Variants in ANO10 observed in about 807,000 individuals in gnomAD.
The protein encoded by ANO10 is anoctamin 10.
In ANO10, 77 loss-of-function variants were observed where a neutral mutation model predicts 74.7. That is an observed-to-expected ratio of 1.03 (90% CI 0.86 to 1.25). The LOEUF (loss-of-function observed/expected upper bound fraction) is 1.25. Ranked by LOEUF, ANO10 falls within the 50% of genes most tolerant of loss-of-function variation. The pLI, the probability that ANO10 is intolerant of heterozygous loss-of-function variation, is 0.00. For synonymous variants in ANO10, 279 were observed against 284.9 expected, an observed-to-expected ratio of 0.98 and a Z score of 0.21; for missense variants, 721 against 778.1, an observed-to-expected ratio of 0.93 and a Z score of 0.87.
rs1416318777 is a variant in ANO10, at chr3:43,555,316, G to C, written c.1630C>G (p.Pro544Ala). Residue 544 changes from proline to alanine, a missense_variant, in exon 10 of 13, where the codon CCA becomes GCA. Physicochemically the swap from Pro to Ala is conservative, Grantham distance 27. Transcript: ENST00000292246. The part of the protein sequence containing the change: ...ALKMCRVFKR[P>A]FSEPSANIGV... ...ATATTGGCTGAAGGTTCTGAGAATG[G>C]ACGTTTGAAGACCCTGCACATTTTT... The C allele has an allele frequency of 6.2e-7, 1 of 1,614,064 alleles. No individual in the cohort carries two copies. Among genetic ancestry groups the C allele is most frequent in the Admixed American group, 1.7e-5 (1 of 60,000 alleles).
chr3:43,601,328 C>T (rs1272042069), intron 2 of ANO10, among the ~76,000 whole-genome samples: 1 of 152,160 alleles, frequency 6.6e-6, no homozygotes, highest in East Asian at 1.9e-4. Context: ...ACCTTTGCCT[C>T]TCGAGTAGCT....
intron 1 of ANO10, among the ~76,000 whole-genome samples, chr3:43,680,515 A>G (rs942265833): frequency 5.9e-5 from 9 of 152,238 alleles, no homozygotes; most frequent in Admixed American, 2.6e-4. Context: ...TCGGCAGGAT[A>G]TTATCCAGGA....
intron 1 of ANO10, among the ~76,000 whole-genome samples, chr3:43,647,971 T>C (rs535872494): frequency 6.6e-6 from 1 of 152,282 alleles, no homozygotes; most frequent in East Asian, 1.9e-4. Context: ...ATCTCTCTAC[T>C]TTGGCTGTCG....
chr3:43,670,331 A>AATAC (rs1163264432), intron 1 of ANO10, among the ~76,000 whole-genome samples: 4 of 150,298 alleles, frequency 2.7e-5, no homozygotes, highest in African/African-American at 9.8e-5. Context: ...TTCTTAAATA[A>AATAC]ATAAATAAAT....
intron 11 of ANO10, among the ~76,000 whole-genome samples, chr3:43,487,616 G>T (rs1244723029): frequency 1.2e-4 from 18 of 152,050 alleles, no homozygotes; most frequent in African/African-American, 3.4e-4. Flanking sequence ...TATTCTCTGA[G>T]GGTAGTTTGT....
chr3:43,691,083 C>T (rs1213864643), intron 1 of ANO10: 15 of 1,506,092 alleles, frequency 1.0e-5, no homozygotes, highest in Non-Finnish European at 1.2e-5. Flanking sequence ...CCGGCGCGCA[C>T]CCTCCGCGCG....
intron 11 of ANO10, among the ~76,000 whole-genome samples, chr3:43,532,212 C>T (rs1266363079): frequency 6.6e-6 from 1 of 152,222 alleles, no homozygotes; most frequent in Non-Finnish European, 1.5e-5. Context: ...AATAAAGAGG[C>T]AATAGTCACT....
At chr3:43,594,035 G>C (rs2081951101) in intron 4 of ANO10, among the ~76,000 whole-genome samples, 1 of 152,168 alleles carries the variant, frequency 6.6e-6, no homozygotes, top group Admixed American at 6.5e-5. Context: ...TAATGGTAAA[G>C]GGATCAATTC....
intron 4 of ANO10, among the ~76,000 whole-genome samples, chr3:43,589,120 T>C (rs1331136699): frequency 6.6e-6 from 1 of 151,684 alleles, no homozygotes; most frequent in Non-Finnish European, 1.5e-5. Flanking sequence ...AAATAGATAA[T>C]ATAAGCAAGT....
intron 11 of ANO10, among the ~76,000 whole-genome samples, chr3:43,468,714 C>CT (rs202046317): frequency 0.075 from 10,661 of 141,314 alleles, 603 homozygotes; most frequent in East Asian, 0.23. Context: ...TTTTTGTTTT[C>CT]TTTTTTTTTT....
chr3:43,546,696 T>C (rs753966605), intron 11 of ANO10, among the ~76,000 whole-genome samples: 1 of 148,770 alleles, frequency 6.7e-6, no homozygotes, highest in Non-Finnish European at 1.5e-5. Flanking sequence ...TGTGGACATA[T>C]AGAAGATGTT....
intron 1 of ANO10, among the ~76,000 whole-genome samples, chr3:43,616,252 C>T (rs1421753041): frequency 2.0e-5 from 3 of 152,142 alleles, no homozygotes; most frequent in African/African-American, 7.2e-5. Context: ...TCAGAAAGCC[C>T]TCGCTATCAT....
At chr3:43,432,431 T>C (rs2092996785) in intron 12 of ANO10, among the ~76,000 whole-genome samples, 180 bp downstream of exon 12, 1 of 152,240 alleles carries the variant, frequency 6.6e-6, no homozygotes, top group South Asian at 2.1e-4. Flanking sequence ...TATTTAAACC[T>C]ATTTGTTGCT....
chr3:43,479,176 C>T (rs1448250507), intron 11 of ANO10, among the ~76,000 whole-genome samples: 1 of 152,112 alleles, frequency 6.6e-6, no homozygotes, highest in African/African-American at 2.4e-5. Flanking sequence ...CCTTTTCACT[C>T]GTGCTAACAT....
intron 11 of ANO10, among the ~76,000 whole-genome samples, chr3:43,542,285 TGAGG>T (rs1281767245): frequency 6.6e-6 from 1 of 151,948 alleles, no homozygotes; most frequent in Non-Finnish European, 1.5e-5. Flanking sequence ...CAAGTCTTGA[TGAGG>T]GATGAATGAG....
At chr3:43,517,154 C>T (rs1328088836) in intron 11 of ANO10, among the ~76,000 whole-genome samples, 3 of 152,312 alleles carry the variant, frequency 2.0e-5, no homozygotes, top group Admixed American at 6.5e-5. Context: ...ATAATCTAAT[C>T]TCTTGTAAAC....
At chr3:43,450,961 A>G (rs1388024305) in intron 11 of ANO10, among the ~76,000 whole-genome samples, 1 of 152,222 alleles carries the variant, frequency 6.6e-6, no homozygotes, top group Non-Finnish European at 1.5e-5. Context: ...CTTAGGCTTT[A>G]TAATACAGCA....
chr3:43,593,822 G>T (rs1321966735), intron 4 of ANO10, among the ~76,000 whole-genome samples: 1 of 152,168 alleles, frequency 6.6e-6, no homozygotes, highest in African/African-American at 2.4e-5. Context: ...TGGCAAATTG[G>T]ATAAAGAGTC....
intron 12 of ANO10, among the ~76,000 whole-genome samples, chr3:43,380,791 CA>C (rs2091938523): frequency 6.6e-6 from 1 of 152,068 alleles, no homozygotes; most frequent in Admixed American, 6.6e-5. Flanking sequence ...ATGAAAAAAA[CA>C]AGGCATTCAG....
Sources: gnomAD v4.1 joint callset for allele counts (sites outside exome capture counted in the v4.1 genomes callset) on GRCh38, gnomAD v4.1.1 for gene constraint, MANE v1.5 for transcripts, NCBI Gene and HGNC (gene_info 2026-07-23, HGNC 2026-07-21) for gene names.